Variants in DTWD2 observed in about 807,000 individuals in gnomAD.
The protein encoded by DTWD2 is DTW motif tRNA-uridine aminocarboxypropyltransferase 2, also known as tRNA-uridine aminocarboxypropyltransferase 2.
A neutral mutation model predicts 31.8 loss-of-function variants in DTWD2; 39 were observed. The ratio of observed to expected loss-of-function variants is 1.22; its 90% CI spans 0.95 to 1.60. The LOEUF is 1.60. Among genes scored for constraint, DTWD2 ranks in the 40% most tolerant of loss-of-function variants. The pLI is 0.00. For synonymous variants in DTWD2, 180 were observed against 142.8 expected (o/e 1.26, Z -1.86); for missense variants, 515 against 381.5 (o/e 1.35, Z -2.92).
At position 118,899,550 on chromosome 5, in the gene DTWD2, A is replaced by G. The variant is rs546683035; in HGVS notation, c.597+28987T>C. Among the ~76,000 whole-genome samples the G allele has an allele frequency of 1.1e-4, 17 of 152,284 alleles. 1 individual carries two copies. Among genetic ancestry groups the G allele is most frequent in the African/African-American group, 4.1e-4 (17 of 41,576 alleles). On this transcript the variant is annotated intron_variant, in intron 4 of 5. Coordinates refer to ENST00000510708, the MANE Select transcript of DTWD2 (RefSeq NM_173666.4). ...AGCGTTTTCTGGAAGCCGAATATAT[A>G]TACCAAAGTGCCCAAATCATAACTG...
chr5:118,943,355 T>C (rs191299376), intron 2 of DTWD2, among the ~76,000 whole-genome samples: 6 of 152,064 alleles, frequency 3.9e-5, no homozygotes, highest in Admixed American at 3.3e-4. Flanking sequence ...ATCGAGACCA[T>C]CCTGGCTAAC....
intron 2 of DTWD2, among the ~76,000 whole-genome samples, chr5:118,942,776 A>G (rs1754235058): frequency 6.6e-6 from 1 of 152,126 alleles, no homozygotes; most frequent in East Asian, 1.9e-4. Flanking sequence ...AAATGAACAC[A>G]GTATTTGCCA....
chr5:118,846,920 G>GCAGGCA (rs1554060921), intron 5 of DTWD2, among the ~76,000 whole-genome samples: 1 of 134,870 alleles, frequency 7.4e-6, no homozygotes, highest in Non-Finnish European at 1.6e-5. Context: ...AAACACACAG[G>GCAGGCA]CACACACACA....
At chr5:118,893,084 G>A (rs926828969) in intron 4 of DTWD2, among the ~76,000 whole-genome samples, 7 of 151,936 alleles carry the variant, frequency 4.6e-5, no homozygotes, top group African/African-American at 1.2e-4. Context: ...AAAAAAAAGT[G>A]GAAATGAAAG....
chr5:118,929,730 G>A (rs1158369826), intron 3 of DTWD2, among the ~76,000 whole-genome samples: 1 of 152,120 alleles, frequency 6.6e-6, no homozygotes, highest in South Asian at 2.1e-4. Flanking sequence ...TGTTTAGAGG[G>A]CTTGCAAACA....
At chr5:118,899,912 C>T (rs1753168407) in intron 4 of DTWD2, among the ~76,000 whole-genome samples, 1 of 151,520 alleles carries the variant, frequency 6.6e-6, no homozygotes, top group Non-Finnish European at 1.5e-5. Flanking sequence ...AGCGATTCTC[C>T]TGCTTCAGCC....
At position 118,970,058 on chromosome 5, in the gene DTWD2, T is replaced by C. The variant is rs113916333; in HGVS notation, c.218+18236A>G. Among the ~76,000 whole-genome samples, 217 of 151,908 alleles carry C rather than the reference T, an allele frequency of 1.4e-3. 1 individual carries two copies. The highest frequency in any genetic ancestry group is 4.5e-3 in the African/African-American group (187 of 41,430). On this transcript the variant is annotated intron_variant, in intron 1 of 5. Coordinates refer to ENST00000510708, the MANE Select transcript of DTWD2 (RefSeq NM_173666.4). ...GCAATCACAAGTATCAACAGCAAAA[T>C]AGACCAAGCAGAGGAAAGAATCTCA...
chr5:118,942,561 G>A (rs1754230535), intron 2 of DTWD2, among the ~76,000 whole-genome samples: 1 of 151,256 alleles, frequency 6.6e-6, no homozygotes, highest in Admixed American at 6.6e-5. Flanking sequence ...CGTAATCCTA[G>A]CACTGTGGGA....
At chr5:118,841,289 T>A (rs1426409634) in intron 5 of DTWD2, among the ~76,000 whole-genome samples, 1 of 152,158 alleles carries the variant, frequency 6.6e-6, no homozygotes, top group Non-Finnish European at 1.5e-5. Context: ...AATATTACAC[T>A]AAGGAATTTT....
chr5:118,901,486 G>C (rs887800852), intron 4 of DTWD2, among the ~76,000 whole-genome samples: 1 of 152,100 alleles, frequency 6.6e-6, no homozygotes, highest in African/African-American at 2.4e-5. Flanking sequence ...CCTCTCTGAT[G>C]ATTCTTTTTC....
chr5:118,843,953 G>A (rs1751786311), intron 5 of DTWD2, among the ~76,000 whole-genome samples: 1 of 152,148 alleles, frequency 6.6e-6, no homozygotes, highest in Admixed American at 6.5e-5. Context: ...GTCACCTTAG[G>A]GCAGAAGCAT....
chr5:118,884,300 A>G (rs1752807619), intron 4 of DTWD2, among the ~76,000 whole-genome samples: 1 of 152,332 alleles, frequency 6.6e-6, no homozygotes, highest in Non-Finnish European at 1.5e-5. Context: ...CCCATTGGCT[A>G]CTTCAAGAAA....
chr5:118,887,034 A>G (rs941500468), intron 4 of DTWD2, among the ~76,000 whole-genome samples: 1 of 152,156 alleles, frequency 6.6e-6, no homozygotes, highest in Non-Finnish European at 1.5e-5. Context: ...TCCTCTCCCA[A>G]AAAGAAGTTA....
chr5:118,893,648 A>C (rs1468322907), intron 4 of DTWD2, among the ~76,000 whole-genome samples: 2 of 152,154 alleles, frequency 1.3e-5, no homozygotes, highest in African/African-American at 4.8e-5. Flanking sequence ...ATCTAGTCAC[A>C]TGAGTCCTTA....
intron 4 of DTWD2, among the ~76,000 whole-genome samples, chr5:118,911,651 G>GTA (rs961087591): frequency 3.9e-5 from 6 of 152,066 alleles, no homozygotes; most frequent in African/African-American, 1.2e-4. Flanking sequence ...TGTGGTGTGT[G>GTA]TATATATATA....
At chr5:118,929,388 G>A (rs1230172245) in intron 3 of DTWD2, among the ~76,000 whole-genome samples, 1 of 152,148 alleles carries the variant, frequency 6.6e-6, no homozygotes, top group Admixed American at 6.5e-5. Flanking sequence ...ACCATTCACA[G>A]AGTGCTAAGT....
At chr5:118,946,272 C>T (rs549196159) in intron 1 of DTWD2, among the ~76,000 whole-genome samples, 1 of 152,266 alleles carries the variant, frequency 6.6e-6, no homozygotes, top group East Asian at 1.9e-4. Context: ...GATTGTTCTG[C>T]CCCACACTGG....
intron 1 of DTWD2, among the ~76,000 whole-genome samples, chr5:118,975,359 T>TCAAGAA (rs1318888770): frequency 6.6e-6 from 1 of 152,186 alleles, no homozygotes. Context: ...TCTCATGCTG[T>TCAAGAA]GTATTTCAGC....
intron 1 of DTWD2, among the ~76,000 whole-genome samples, chr5:118,980,274 G>A (rs550412978): frequency 7.9e-5 from 12 of 152,322 alleles, no homozygotes; most frequent in South Asian, 4.1e-4. Flanking sequence ...CAGCCAGGAC[G>A]CAAACCCACT....
Sources: gnomAD v4.1 joint callset for allele counts (sites outside exome capture counted in the v4.1 genomes callset) on GRCh38, gnomAD v4.1.1 for gene constraint, MANE v1.5 for transcripts, NCBI Gene and HGNC (gene_info 2026-07-23, HGNC 2026-07-21) for gene names.